Variants in FOXN3 observed in about 807,000 individuals in gnomAD.
FOXN3 encodes forkhead box N3.
In FOXN3, 7 loss-of-function variants were observed where a neutral mutation model predicts 38.4. That is an observed-to-expected ratio of 0.18 (90% CI 0.10 to 0.34). The LOEUF (loss-of-function observed/expected upper bound fraction) is 0.34. Ranked by LOEUF, FOXN3 falls within the 10% of genes least tolerant of loss-of-function variation. FOXN3 has a pLI of 1.00. For synonymous variants in FOXN3, 230 were observed against 242.2 expected, an observed-to-expected ratio of 0.95 and a Z score of 0.47; for missense variants, 456 against 613.4, an observed-to-expected ratio of 0.74 and a Z score of 2.71.
At chr14:89,388,597 G>A (rs1410694270) in intron 2 of FOXN3, among the ~76,000 whole-genome samples, 1 of 152,090 alleles carries the variant, frequency 6.6e-6, no homozygotes, top group Non-Finnish European at 1.5e-5. Context: ...ACATTTAGAG[G>A]AGACACGTGA....
At chr14:89,343,138 A>C (rs1888661907) in intron 3 of FOXN3, among the ~76,000 whole-genome samples, 1 of 152,236 alleles carries the variant, frequency 6.6e-6, no homozygotes, top group Admixed American at 6.5e-5. Flanking sequence ...ATGTCTTATA[A>C]ATTAAAAAAT....
intron 2 of FOXN3, among the ~76,000 whole-genome samples, chr14:89,363,947 A>AATATATATATATATATATATATATATAT (rs67802765): frequency 1.5e-4 from 17 of 111,354 alleles, no homozygotes; most frequent in Non-Finnish European, 2.5e-4. Flanking sequence ...CTGTCTGTAA[A>AATATATATATATATATATATATATATAT]ATATATATAT....
chr14:89,561,090 A>G (rs1383235308), intron 1 of FOXN3, among the ~76,000 whole-genome samples: 1 of 152,196 alleles, frequency 6.6e-6, no homozygotes, highest in African/African-American at 2.4e-5. Context: ...GCAGCCCTGG[A>G]GAGGAAGTAG....
intron 3 of FOXN3, among the ~76,000 whole-genome samples, chr14:89,306,116 A>G (rs1487572458): frequency 6.6e-6 from 1 of 152,102 alleles, no homozygotes; most frequent in Non-Finnish European, 1.5e-5. Context: ...TGCATTCTCA[A>G]TTCCCTCTAT....
At chr14:89,290,651 T>TTCCTTCCAACTTCCCA (rs1886841050) in intron 3 of FOXN3, 5 of 458,872 alleles carry the variant, frequency 1.1e-5, no homozygotes, top group Non-Finnish European at 2.1e-5. Context: ...TGAACACGGG[T>TTCCTTCCAACTTCCCA]GCATGTTGCT....
chr14:89,290,752 T>C (rs1346086103), intron 3 of FOXN3: 3 of 316,768 alleles, frequency 9.5e-6, no homozygotes, highest in African/African-American at 6.7e-5. Context: ...AGGCTGGGAT[T>C]CTTATATAGG....
intron 1 of FOXN3, among the ~76,000 whole-genome samples, chr14:89,480,359 T>C (rs1324420059): frequency 3.3e-5 from 5 of 151,298 alleles, no homozygotes; most frequent in Admixed American, 1.3e-4. Context: ...GCCGAGACCG[T>C]GCCATTTCAC....
intron 2 of FOXN3, among the ~76,000 whole-genome samples, chr14:89,396,563 G>C (rs1164080668): frequency 6.6e-6 from 1 of 152,178 alleles, no homozygotes; most frequent in Non-Finnish European, 1.5e-5. Context: ...GGCTGGGCAC[G>C]GTGGCTCATG....
chr14:89,486,872 C>T (rs780932214), intron 1 of FOXN3, among the ~76,000 whole-genome samples: 5 of 152,178 alleles, frequency 3.3e-5, no homozygotes, highest in Non-Finnish European at 5.9e-5. Context: ...GAAACTGTCT[C>T]ATGGGGCATA....
intron 1 of FOXN3, among the ~76,000 whole-genome samples, chr14:89,466,422 T>C (rs975196815): frequency 1.3e-5 from 2 of 152,204 alleles, no homozygotes; most frequent in Non-Finnish European, 2.9e-5. Context: ...GAATATGTTT[T>C]TCGTGCCAGT....
intron 1 of FOXN3, among the ~76,000 whole-genome samples, chr14:89,415,986 AG>A (rs1363398495): frequency 6.6e-6 from 1 of 152,108 alleles, no homozygotes; most frequent in Non-Finnish European, 1.5e-5. Context: ...AGTAAACAGA[AG>A]GTCTCCAAAT....
intron 4 of FOXN3, among the ~76,000 whole-genome samples, chr14:89,181,026 A>G (rs1887661332): frequency 6.6e-6 from 1 of 151,682 alleles, no homozygotes; most frequent in African/African-American, 2.4e-5. Context: ...GCACACACAC[A>G]CACATGCAGA....
intron 1 of FOXN3, among the ~76,000 whole-genome samples, chr14:89,439,964 T>G (rs1892346819): frequency 6.6e-6 from 1 of 152,166 alleles, no homozygotes; most frequent in Admixed American, 6.5e-5. Context: ...TCCTTTACTT[T>G]CTTAATAAAC....
intron 1 of FOXN3, among the ~76,000 whole-genome samples, chr14:89,511,268 TTTCTTTCTTTCTTTC>T (rs1894083581): frequency 2.9e-5 from 1 of 34,224 alleles, no homozygotes; most frequent in African/African-American, 7.3e-5. Context: ...TCTTTCTTTC[TTTCTTTCTTTCTTTC>T]TTTCTTTCTT....
chr14:89,386,556 TTAAG>T (rs1249365426), intron 2 of FOXN3, among the ~76,000 whole-genome samples: 12 of 152,316 alleles, frequency 7.9e-5, no homozygotes, highest in African/African-American at 2.4e-4. Flanking sequence ...ACAGGTCAGG[TTAAG>T]TAAGATAGTG....
chr14:89,367,128 G>A (rs569520768), intron 2 of FOXN3, among the ~76,000 whole-genome samples: 21 of 152,230 alleles, frequency 1.4e-4, no homozygotes, highest in African/African-American at 5.1e-4. Context: ...CTTGCGGAGT[G>A]GCCATTGGCC....
chr14:89,430,246 T>C (rs866791432), intron 1 of FOXN3, among the ~76,000 whole-genome samples: 1 of 152,238 alleles, frequency 6.6e-6, no homozygotes, highest in Non-Finnish European at 1.5e-5. Flanking sequence ...GAGAGGTTTT[T>C]GATTTGCTTC....
intron 4 of FOXN3, among the ~76,000 whole-genome samples, chr14:89,204,931 T>C (rs1185414593): frequency 7.0e-6 from 1 of 143,484 alleles, no homozygotes; most frequent in Non-Finnish European, 1.5e-5. Context: ...AGTATGGAAA[T>C]GTAGATTCAG....
At chr14:89,528,893 G>T (rs1252103391) in intron 1 of FOXN3, among the ~76,000 whole-genome samples, 1 of 152,118 alleles carries the variant, frequency 6.6e-6, no homozygotes, top group Non-Finnish European at 1.5e-5. Flanking sequence ...ATGACAAATG[G>T]GAAGGAAGCA....
Sources: allele counts gnomAD v4.1 joint callset (sites outside exome capture counted in the v4.1 genomes callset), GRCh38; gene constraint gnomAD v4.1.1; transcripts MANE v1.5; gene names NCBI Gene and HGNC (gene_info 2026-07-23, HGNC 2026-07-21).